The following GRIA4 variants were observed in gnomAD, a reference collection of about 807,000 sequenced individuals.
GRIA4 encodes glutamate receptor 4.
Under a neutral mutation model 104.0 loss-of-function variants are expected in GRIA4, and 34 were observed. The ratio of observed to expected loss-of-function variants is 0.33; its 90% CI spans 0.25 to 0.44. GRIA4 has a LOEUF of 0.44. Among genes scored for constraint, GRIA4 ranks in the 20% least tolerant of loss-of-function variants. The pLI is 1.00. For synonymous variants in GRIA4, 386 were observed against 381.9 expected (o/e 1.01, Z -0.13); for missense variants, 750 against 1,096.5 (o/e 0.68, Z 4.46).
chr11:105,682,334 C>T (rs1432681115), intron 3 of GRIA4, among the ~76,000 whole-genome samples: 1 of 152,134 alleles, frequency 6.6e-6, no homozygotes, highest in Non-Finnish European at 1.5e-5. Context: ...GATCCTTCCA[C>T]CTCGGCCTCC....
chr11:105,923,414 C>A (rs1020389170), intron 11 of GRIA4, among the ~76,000 whole-genome samples: 3 of 152,094 alleles, frequency 2.0e-5, no homozygotes, highest in Admixed American at 2.0e-4. Context: ...ATATGTGAAT[C>A]TCCCTTCTCT....
At chr11:105,751,825 C>A (rs1940016277) in intron 3 of GRIA4, among the ~76,000 whole-genome samples, 1 of 152,184 alleles carries the variant, frequency 6.6e-6, no homozygotes, top group Admixed American at 6.6e-5. Context: ...AGCACTTTTA[C>A]ATAATTTCAT....
At position 105,936,761 on chromosome 11, in the gene GRIA4, T is replaced by C. The variant is rs1399290452; in HGVS notation, c.2294+2792T>C. On this transcript the variant is annotated intron_variant, in intron 14 of 16. Transcript: ENST00000282499. ...GACTTTAAAACAAATGCAATAAGGA[T>C]CATCTCAAACAGTAGATCTGTAACT... Among the ~76,000 whole-genome samples the C allele has an allele frequency of 2.6e-5, 4 of 152,160 alleles. No homozygotes were observed. The East Asian group carries it at 7.7e-4, about 29-fold the overall frequency.
At chr11:105,729,283 C>T (rs1200637732) in intron 3 of GRIA4, among the ~76,000 whole-genome samples, 1 of 152,040 alleles carries the variant, frequency 6.6e-6, no homozygotes, top group Non-Finnish European at 1.5e-5. Context: ...AATATATACA[C>T]CCTCCCAAGA....
At chr11:105,698,796 T>C (rs1953379739) in intron 3 of GRIA4, among the ~76,000 whole-genome samples, 1 of 152,238 alleles carries the variant, frequency 6.6e-6, no homozygotes, top group African/African-American at 2.4e-5. Flanking sequence ...CACGCAGGTG[T>C]GGCTGAAAGA....
At chr11:105,778,641 G>A (rs1453115294) in intron 4 of GRIA4, among the ~76,000 whole-genome samples, 1 of 152,084 alleles carries the variant, frequency 6.6e-6, no homozygotes, top group Non-Finnish European at 1.5e-5. Context: ...GGAGGCAGAG[G>A]TTGCAGTGAG....
intron 13 of GRIA4, among the ~76,000 whole-genome samples, chr11:105,932,928 G>A (rs1419333642): frequency 1.3e-5 from 2 of 151,690 alleles, no homozygotes; most frequent in Non-Finnish European, 2.9e-5. Context: ...AAAATTTGGG[G>A]GCATGAAAAA....
intron 3 of GRIA4, among the ~76,000 whole-genome samples, chr11:105,696,638 C>A (rs2135510094): frequency 6.6e-6 from 1 of 152,214 alleles, no homozygotes; most frequent in South Asian, 2.1e-4. Context: ...CATTTCTCAT[C>A]TCTTACTGAA....
chr11:105,699,011 T>A (rs1481968898), intron 3 of GRIA4, among the ~76,000 whole-genome samples: 1 of 152,230 alleles, frequency 6.6e-6, no homozygotes, highest in Non-Finnish European at 1.5e-5. Context: ...TGAGTTATCC[T>A]AACTTCCTAC....
chr11:105,859,137 A>T (rs546960879), intron 4 of GRIA4, among the ~76,000 whole-genome samples: 1 of 152,212 alleles, frequency 6.6e-6, no homozygotes, highest in Non-Finnish European at 1.5e-5. Context: ...GCAGTATTTT[A>T]TCCTAGTTAC....
intron 3 of GRIA4, among the ~76,000 whole-genome samples, chr11:105,748,142 T>G (rs1010390139): frequency 2.0e-5 from 3 of 152,212 alleles, no homozygotes; most frequent in African/African-American, 4.8e-5. Context: ...TTCTACTTCA[T>G]ACAGCATTGG....
chr11:105,672,949 A>C (rs1283608210), intron 3 of GRIA4, among the ~76,000 whole-genome samples: 2 of 152,134 alleles, frequency 1.3e-5, no homozygotes, highest in Non-Finnish European at 2.9e-5. Context: ...AATATGACAC[A>C]TATTTCCTGA....
chr11:105,665,333 C>T (rs1952133213), intron 3 of GRIA4, among the ~76,000 whole-genome samples: 1 of 151,840 alleles, frequency 6.6e-6, no homozygotes, highest in Admixed American at 6.6e-5. Context: ...ACTTTTATTC[C>T]CATTTTACGT....
chr11:105,610,865 C>CTTTTCTTTT lies in GRIA4; in HGVS notation c.-90-38_-90-30dup, dbSNP rs1565398965. 13 of 505,884 alleles carry CTTTTCTTTT rather than the reference C, an allele frequency of 2.6e-5. 1 individual carries two copies. The African/African-American group carries it at 3.6e-4, about 14-fold the overall frequency. The allele number at this position is 505,884 out of a possible 1,614,324, so 31.3% of individuals were successfully genotyped here. A position where few individuals can be genotyped will look rare whatever the true frequency, so the allele number is the denominator to read the frequency against. On this transcript the variant is annotated intron_variant, in intron 1 of 16. Transcript: ENST00000282499. ...TTCCTTTTTTTTCTTTCTTTTCTTTCTTTTCTTTTTTTTTTTTTTTTTTTG... is the reference window on the plus strand; with the variant it reads ...TTCCTTTTTTTTCTTTCTTTTCTTTCTTTTCTTTTTTTTCTTTTTTTTTTTTTTTTTTTG...
At chr11:105,685,186 G>GGAGT (rs1266746850) in intron 3 of GRIA4, among the ~76,000 whole-genome samples, 2 of 149,712 alleles carry the variant, frequency 1.3e-5, no homozygotes, top group Non-Finnish European at 3.0e-5. Flanking sequence ...AGGGAGAGAG[G>GGAGT]GAGGGAGGGA....
At chr11:105,824,720 C>G (rs1470637817) in intron 4 of GRIA4, 1 of 152,066 alleles carries the variant, frequency 6.6e-6, no homozygotes, top group Non-Finnish European at 1.5e-5. Flanking sequence ...GCATAAATAA[C>G]AAGTCAGTTA....
At chr11:105,968,190 T>C (rs146697018) in intron 14 of GRIA4, among the ~76,000 whole-genome samples, 4 of 152,304 alleles carry the variant, frequency 2.6e-5, no homozygotes, top group Admixed American at 6.5e-5. Context: ...ACTCATCTAA[T>C]GAAGAAGGGA....
intron 13 of GRIA4, among the ~76,000 whole-genome samples, chr11:105,932,297 C>T (rs762527489): frequency 6.6e-6 from 1 of 151,982 alleles, no homozygotes. Flanking sequence ...CGCTGCTATG[C>T]CCAGCTAATT....
chr11:105,919,057 T>G (rs935603932), intron 11 of GRIA4, 139 bp downstream of exon 11: 7 of 584,542 alleles, frequency 1.2e-5, no homozygotes, highest in African/African-American at 1.9e-5. Flanking sequence ...TGTTTAAATC[T>G]TTCTCTATTT....
Sources: allele counts gnomAD v4.1 joint callset (sites outside exome capture counted in the v4.1 genomes callset), GRCh38; gene constraint gnomAD v4.1.1; transcripts MANE v1.5; gene names NCBI Gene and HGNC (gene_info 2026-07-23, HGNC 2026-07-21).